The following DCDC2C variants were observed in gnomAD, a reference collection of about 807,000 sequenced individuals.
DCDC2C encodes doublecortin domain containing 2C.
DCDC2C carries 44 observed loss-of-function variants against 45.0 expected under a neutral mutation model. That is an observed-to-expected ratio of 0.98 (90% CI 0.77 to 1.26). The LOEUF (loss-of-function observed/expected upper bound fraction) is 1.26. Among genes scored for constraint, DCDC2C ranks in the 50% most tolerant of loss-of-function variants. The probability of loss-of-function intolerance (pLI) is 0.00; values close to 1 mark genes in which losing one functional copy is unlikely to be tolerated. For synonymous variants in DCDC2C, 187 were observed against 178.8 expected (o/e 1.05, Z -0.37); for missense variants, 447 against 468.9 (o/e 0.95, Z 0.43).
At chr2:3,718,335 C>A (rs553374673) in intron 2 of DCDC2C, among the ~76,000 whole-genome samples, 2 of 152,172 alleles carry the variant, frequency 1.3e-5, no homozygotes, top group Non-Finnish European at 2.9e-5. Context: ...CTCCACAAAC[C>A]GTCTGGCTGT....
chr2:3,833,901 C>G (rs1371751141), intron 10 of DCDC2C, among the ~76,000 whole-genome samples: 1 of 152,208 alleles, frequency 6.6e-6, no homozygotes, highest in Admixed American at 6.5e-5. Context: ...AGATAAGTAG[C>G]AGTCTTCTCT....
At chr2:3,831,794 G>T (rs6727373) in intron 10 of DCDC2C, among the ~76,000 whole-genome samples, 1 of 151,762 alleles carries the variant, frequency 6.6e-6, no homozygotes, top group Non-Finnish European at 1.5e-5. Flanking sequence ...AAGGCAGAGC[G>T]CTCCGCCTCT....
At chr2:3,828,080 T>C (rs1368136189) in intron 10 of DCDC2C, among the ~76,000 whole-genome samples, 1 of 152,242 alleles carries the variant, frequency 6.6e-6, no homozygotes. Context: ...CTGCAGACTT[T>C]TATTGAGCCT....
At chr2:3,706,782 A>T (rs2148038071) in intron 1 of DCDC2C, among the ~76,000 whole-genome samples, 1 of 152,312 alleles carries the variant, frequency 6.6e-6, no homozygotes, top group South Asian at 2.1e-4. Context: ...AAGTGGGTGG[A>T]GAGGAAGTTG....
chr2:3,789,043 G>C (rs1429281179), intron 10 of DCDC2C, among the ~76,000 whole-genome samples: 6 of 152,120 alleles, frequency 3.9e-5, no homozygotes, highest in Admixed American at 2.0e-4. Context: ...AGTAGAGAAG[G>C]ATTTCACCAT....
intron 8 of DCDC2C, among the ~76,000 whole-genome samples, chr2:3,770,562 C>T (rs946620687): frequency 1.3e-5 from 2 of 152,052 alleles, no homozygotes; most frequent in Non-Finnish European, 2.9e-5. Flanking sequence ...TCATTTTCTT[C>T]GCAAATCCAA....
chr2:3,842,383 C>T (rs186327974), intron 10 of DCDC2C, among the ~76,000 whole-genome samples: 8 of 151,118 alleles, frequency 5.3e-5, no homozygotes, highest in Admixed American at 2.0e-4. Flanking sequence ...GAGAGGACTG[C>T]GAAAATGAAT....
rs7586508 is a variant in DCDC2C at position 3,734,053 on chromosome 2, G to A, written c.416+6974G>A. ...TTAATAAGAGCAGTTTGCTGGGGTA[G>A]TAACAGTGCCTCCAGAAGTTCTGCT... On this transcript the variant is annotated intron_variant, in intron 3 of 10. Transcript: ENST00000399143. This position sits in a 1 kb window ranked among gnomAD's most constrained non-coding sequence, Gnocchi z 4.2. Among the ~76,000 whole-genome samples the A allele has an allele frequency of 0.67, 101,811 of 152,154 alleles. 34,924 individuals are homozygous for A. The highest frequency in any genetic ancestry group is 0.8 in the African/African-American group (33,308 of 41,534).
chr2:3,747,291 C>T (rs1669400024), intron 4 of DCDC2C, among the ~76,000 whole-genome samples: 1 of 152,184 alleles, frequency 6.6e-6, no homozygotes, highest in African/African-American at 2.4e-5. Flanking sequence ...GCACAAATGT[C>T]CCTTATCCAC....
chr2:3,757,650 C>T lies in DCDC2C; in HGVS notation c.726+3016C>T, dbSNP rs897414634. Among the ~76,000 whole-genome samples the T allele has an allele frequency of 2.6e-5, 4 of 152,262 alleles. No individual in the cohort carries two copies. The East Asian group carries it at 5.8e-4, about 22-fold the overall frequency. On this transcript the variant is annotated intron_variant, in intron 6 of 10. Transcript: ENST00000399143. Reference sequence around the variant, plus strand: ...GCATGCTAAGCACACTCCGCTAGCACGAGACACAAAGATGAGTGGAGTGTA... The same window carrying T: ...GCATGCTAAGCACACTCCGCTAGCATGAGACACAAAGATGAGTGGAGTGTA...
At chr2:3,836,820 C>T (rs1672088278) in intron 10 of DCDC2C, among the ~76,000 whole-genome samples, 1 of 150,796 alleles carries the variant, frequency 6.6e-6, no homozygotes, top group South Asian at 2.1e-4. Context: ...CGAGATCGCG[C>T]CACTGCACTC....
chr2:3,809,253 G>A (rs6719193), intron 10 of DCDC2C, among the ~76,000 whole-genome samples: 15,925 of 152,196 alleles, frequency 0.1, 1,629 homozygotes, highest in African/African-American at 0.27. Flanking sequence ...AGCGTTAGAT[G>A]TGACTTGTCA....
At chr2:3,832,015 G>A (rs967372715) in intron 10 of DCDC2C, among the ~76,000 whole-genome samples, 3 of 152,178 alleles carry the variant, frequency 2.0e-5, no homozygotes, top group African/African-American at 4.8e-5. Context: ...CTGGCATGGC[G>A]AGGGGCTCTT....
chr2:3,788,169 T>C (rs1250237076), intron 10 of DCDC2C, among the ~76,000 whole-genome samples: 3 of 152,248 alleles, frequency 2.0e-5, no homozygotes, highest in African/African-American at 7.2e-5. Context: ...TGGCTATTTT[T>C]TTGACGATAG....
intron 9 of DCDC2C, among the ~76,000 whole-genome samples, chr2:3,783,554 AT>A (rs542747930): frequency 2.7e-4 from 41 of 152,202 alleles, no homozygotes; most frequent in Non-Finnish European, 5.4e-4. Context: ...AGTGACTTAC[AT>A]TTTCTGAAGG....
At chr2:3,776,606 C>T (rs1159371031) in intron 8 of DCDC2C, among the ~76,000 whole-genome samples, 2 of 152,210 alleles carry the variant, frequency 1.3e-5, no homozygotes, top group Non-Finnish European at 2.9e-5. Flanking sequence ...GGCTTCTGAT[C>T]ATCTCACTGG....
chr2:3,843,057 T>C (rs1229064122), intron 10 of DCDC2C, among the ~76,000 whole-genome samples: 1 of 152,214 alleles, frequency 6.6e-6, no homozygotes, highest in Non-Finnish European at 1.5e-5. Flanking sequence ...CTGTAGGTAA[T>C]GCTAAAGCAG....
At chr2:3,797,722 G>A (rs1670998234) in intron 10 of DCDC2C, among the ~76,000 whole-genome samples, 1 of 152,090 alleles carries the variant, frequency 6.6e-6, no homozygotes, top group Non-Finnish European at 1.5e-5. Context: ...TGATTGCACT[G>A]TGGTCTGAGA....
At chr2:3,715,964 A>C (rs948946569) in intron 2 of DCDC2C, among the ~76,000 whole-genome samples, 1 of 152,186 alleles carries the variant, frequency 6.6e-6, no homozygotes, top group Non-Finnish European at 1.5e-5. Flanking sequence ...GTCCAGACTC[A>C]AAGAAGTGAG....
Sources: allele counts gnomAD v4.1 joint callset (sites outside exome capture counted in the v4.1 genomes callset), GRCh38; gene constraint gnomAD v4.1.1; non-coding constraint Gnocchi (gnomAD v3.1); transcripts MANE v1.5; gene names NCBI Gene and HGNC (gene_info 2026-07-23, HGNC 2026-07-21).